The following COL14A1 variants were observed in gnomAD, a reference collection of about 807,000 sequenced individuals.
COL14A1 encodes the protein collagen type XIV alpha 1 chain.
A neutral mutation model predicts 230.3 loss-of-function variants in COL14A1; 136 were observed. The ratio of observed to expected loss-of-function variants is 0.59; its 90% CI spans 0.51 to 0.68. The LOEUF (loss-of-function observed/expected upper bound fraction) is 0.68, where lower values mean the gene tolerates loss of function less well. Ranked by LOEUF, COL14A1 falls within the 30% of genes least tolerant of loss-of-function variation. The probability of loss-of-function intolerance (pLI) is 0.00; values close to 1 mark genes in which losing one functional copy is unlikely to be tolerated. For missense variants in COL14A1, 1,976 were observed against 2,215.8 expected (o/e 0.89, Z 2.17); for synonymous variants, 792 against 784.1 (o/e 1.01, Z -0.17).
intron 45 of COL14A1, among the ~76,000 whole-genome samples, chr8:120,363,666 G>T (rs1265033842): frequency 2.0e-5 from 3 of 152,148 alleles, no homozygotes; most frequent in African/African-American, 7.2e-5. Context: ...TATTTATTGG[G>T]CCACCTAAGA....
In COL14A1 at chr8:120,336,598, C is replaced by T. The variant is rs143480789; in HGVS notation, c.4785+3863C>T. 3.7e-3 allele frequency among the ~76,000 whole-genome samples: 570 copies of T among 152,206 alleles called. 5 individuals are homozygous for T. The highest frequency in any genetic ancestry group is 0.013 in the African/African-American group (538 of 41,536). On this transcript the variant is annotated intron_variant, in intron 42 of 47. Coordinates refer to ENST00000297848, the MANE Select transcript of COL14A1 (RefSeq NM_021110.4). ...AGAACATCTTTTAGTGCAACTCCCT[C>T]GTGTCACTGTCTGGCTTCAATCTCT...
intron 37 of COL14A1, among the ~76,000 whole-genome samples, chr8:120,311,573 G>A (rs543049782): frequency 3.3e-5 from 5 of 152,270 alleles, no homozygotes; most frequent in African/African-American, 7.2e-5. Context: ...GACAAAGGAC[G>A]TTGACATGTC....
At chr8:120,336,710 G>T (rs1295728217) in intron 42 of COL14A1, among the ~76,000 whole-genome samples, 1 of 152,084 alleles carries the variant, frequency 6.6e-6, no homozygotes, top group Non-Finnish European at 1.5e-5. Flanking sequence ...TTCCAACTTG[G>T]ATTACCATCC....
At chr8:120,233,885 T>C (rs887090635) in intron 19 of COL14A1, among the ~76,000 whole-genome samples, 1 of 152,228 alleles carries the variant, frequency 6.6e-6, no homozygotes, top group African/African-American at 2.4e-5. Context: ...GGGAATAACA[T>C]TGAATCTACA....
chr8:120,297,483 G>A, intron 34 of COL14A1, 28 bp from the exon 35 acceptor site: 1 of 1,224,646 alleles, frequency 8.2e-7, no homozygotes, highest in Non-Finnish European at 1.1e-6. Flanking sequence ...ATATTTTATT[G>A]AATGACAATT....
intron 2 of COL14A1, among the ~76,000 whole-genome samples, chr8:120,151,945 C>G (rs963238982): frequency 2.6e-5 from 4 of 151,774 alleles, no homozygotes; most frequent in African/African-American, 9.7e-5. Flanking sequence ...TGGAAAGAGA[C>G]CACAAGTCAA....
At chr8:120,219,564 G>A (rs1404528289) in intron 14 of COL14A1, among the ~76,000 whole-genome samples, 1 of 152,116 alleles carries the variant, frequency 6.6e-6, no homozygotes, top group East Asian at 1.9e-4. Flanking sequence ...GCTCCCATGG[G>A]CCTCTCTAAT....
At position 120,228,694 on chromosome 8, in the gene COL14A1, A is replaced by T; in HGVS notation, c.2138-16A>T. Reference sequence around the variant, plus strand: ...AGTTGTTTTTGCAGCATTTTAAAGTAATATATTGCTTTTAGTTGACAGTTT... The same window carrying T: ...AGTTGTTTTTGCAGCATTTTAAAGTTATATATTGCTTTTAGTTGACAGTTT... On this transcript the variant is annotated splice_polypyrimidine_tract_variant and intron_variant, in intron 17 of 47. Transcript: ENST00000297848. 6.2e-7 allele frequency: 1 copy of T among 1,605,942 alleles called. No individual in the cohort carries two copies. Among genetic ancestry groups the T allele is most frequent in the East Asian group, 2.2e-5 (1 of 44,812 alleles).
At chr8:120,312,914 A>G (rs911193865) in intron 37 of COL14A1, among the ~76,000 whole-genome samples, 1 of 152,222 alleles carries the variant, frequency 6.6e-6, no homozygotes, top group African/African-American at 2.4e-5. Context: ...TTGAAGTCAC[A>G]GAACGAGACA....
Position 120,143,373 on chromosome 8 carries a change from C to T in COL14A1, c.-37-4433C>T, listed in dbSNP as rs375581136. Among the ~76,000 whole-genome samples, 177 of 152,322 alleles carry T rather than the reference C, an allele frequency of 1.2e-3. 2 individuals carry two copies. Among genetic ancestry groups the T allele is most frequent in the African/African-American group, 4.1e-3 (172 of 41,584 alleles). On this transcript the variant is annotated intron_variant, in intron 1 of 47. Coordinates refer to ENST00000297848, the MANE Select transcript of COL14A1 (RefSeq NM_021110.4). ...GTGGCTCACGCCTGTAAACCCAGCA[C>T]TTTGGGAGGCCGAGGTGGGCGGATC... is the stretch of plus-strand genomic sequence containing the variant.
rs1815717889 is a variant in COL14A1 at position 120,162,581 on chromosome 8, C to T, written c.349+12C>T. On this transcript the variant is annotated intron_variant, in intron 4 of 47. Coordinates refer to ENST00000297848, the MANE Select transcript of COL14A1 (RefSeq NM_021110.4). ...AGGCCAATTCAGAAGTACGTATTTA[C>T]AGTTCTCAAAGCACCTCCGCAGGAC... 1 of 1,595,376 alleles carries T rather than the reference C, an allele frequency of 6.3e-7. No homozygotes were observed. Among genetic ancestry groups the T allele is most frequent in the Non-Finnish European group, 8.5e-7 (1 of 1,172,276 alleles).
chr8:120,147,670 G>A, intron 1 of COL14A1, 136 bp from the exon 2 acceptor site: 1 of 510,052 alleles, frequency 2.0e-6, no homozygotes, highest in Admixed American at 3.7e-5. Flanking sequence ...ATTTTAGAGT[G>A]AAATGCACGA....
chr8:120,257,620 A>G (rs563438572), intron 23 of COL14A1, among the ~76,000 whole-genome samples: 69 of 152,334 alleles, frequency 4.5e-4, no homozygotes, highest in Non-Finnish European at 8.8e-4. Context: ...GACTTGTGGT[A>G]AGATGCCCAT....
At chr8:120,369,032 G>A (rs1823500053) in intron 46 of COL14A1, among the ~76,000 whole-genome samples, 1 of 152,154 alleles carries the variant, frequency 6.6e-6, no homozygotes, top group Non-Finnish European at 1.5e-5. Flanking sequence ...AAGAAAATAA[G>A]GTTGATAATG....
chr8:120,359,853 G>A (rs1326161219), intron 45 of COL14A1, among the ~76,000 whole-genome samples: 2 of 152,076 alleles, frequency 1.3e-5, no homozygotes, highest in East Asian at 3.9e-4. Context: ...GCACTGATGA[G>A]CTTTGCACCT....
chr8:120,300,738 G>C lies in COL14A1; in HGVS notation c.4321G>C (p.Asp1441His). ...KCCELPGLRDDESCPDLPHSC... is the reference protein window; with the variant it reads ...KCCELPGLRDHESCPDLPHSC... ...TTTTTTTGTTTCTTTTCAGAGAGATGATGAGTCTTGCCCAGACCTTCCCCA... is the reference window on the plus strand; with the variant it reads ...TTTTTTTGTTTCTTTTCAGAGAGATCATGAGTCTTGCCCAGACCTTCCCCA... The change falls in exon 36 of 48, where the codon GAT (aspartate) becomes CAT (histidine). Residue 1441 changes from aspartate to histidine, a missense_variant. Coordinates refer to ENST00000297848, the MANE Select transcript of COL14A1 (RefSeq NM_021110.4). 6.2e-7 allele frequency: 1 copy of C among 1,612,836 alleles called. No homozygotes were observed. The highest frequency in any genetic ancestry group is 8.5e-7 in the Non-Finnish European group (1 of 1,179,290).
At chr8:120,231,908 C>T (rs1350812915) in intron 19 of COL14A1, 2 of 292,610 alleles carry the variant, frequency 6.8e-6, no homozygotes, top group Non-Finnish European at 1.3e-5. Flanking sequence ...AAAGTTGGGT[C>T]ATAAAAGGCC....
rs560308039 is a variant in COL14A1 at position 120,289,706 on chromosome 8, T to A, written c.4176T>A (p.Asp1392Glu). ...ACGCATCAGCTAATATCACGTCAGA[T>A]GGTGTAGAAGTGCTAGGGAAAATGG... ...AMNASANITS[D>E]GVEVLGKMVR... The change falls in exon 34 of 48, where the codon GAT (aspartate) becomes GAA (glutamate). Residue 1392 changes from aspartate to glutamate, a missense_variant. Asp to Glu is a conservative substitution (Grantham distance 45). Around this residue, in one of 3 missense-constraint regions of COL14A1, gnomAD observed 1,791 missense variants for 2,019.5 expected, o/e 0.89. Coordinates refer to ENST00000297848, the MANE Select transcript of COL14A1 (RefSeq NM_021110.4). 6.2e-7 allele frequency: 1 copy of A among 1,614,112 alleles called. No homozygotes were observed. The highest frequency in any genetic ancestry group is 1.1e-5 in the South Asian group (1 of 91,086).
chr8:120,299,713 G>T (rs570217508), intron 35 of COL14A1, among the ~76,000 whole-genome samples: 1 of 152,004 alleles, frequency 6.6e-6, no homozygotes, highest in African/African-American at 2.4e-5. Context: ...GTTTATAGGG[G>T]GTTTGAACTG....
Sources: gnomAD v4.1 joint callset for allele counts (sites outside exome capture counted in the v4.1 genomes callset) on GRCh38, gnomAD v4.1.1 for gene constraint, gnomAD v4.1.1 regional missense constraint, MANE v1.5 for transcripts, NCBI Gene and HGNC (gene_info 2026-07-23, HGNC 2026-07-21) for gene names.